PSD3: variants seen among roughly 807,000 people sequenced by gnomAD.
PSD3 encodes pleckstrin and Sec7 domain containing 3, also known as PH and SEC7 domain-containing protein 3.
Under a neutral mutation model 105.5 loss-of-function variants are expected in PSD3, and 49 were observed. That is an observed-to-expected ratio of 0.46 (90% CI 0.37 to 0.59). The LOEUF (loss-of-function observed/expected upper bound fraction) is 0.59, where lower values mean the gene tolerates loss of function less well. Ranked by LOEUF, PSD3 falls within the 20% of genes least tolerant of loss-of-function variation. The pLI is 0.00. For missense variants in PSD3, 1,561 were observed against 1,263.8 expected, an observed-to-expected ratio of 1.24 and a Z score of -3.57; for synonymous variants, 557 against 457.8, an observed-to-expected ratio of 1.22 and a Z score of -2.77.
At chr8:18,584,676 A>G (rs778733858) in intron 12 of PSD3, among the ~76,000 whole-genome samples, 14 of 152,228 alleles carry the variant, frequency 9.2e-5, no homozygotes, top group African/African-American at 1.2e-4. Context: ...GTGATGTATA[A>G]TGCTCTGATC....
intron 4 of PSD3, among the ~76,000 whole-genome samples, chr8:18,815,995 T>C (rs117010170): frequency 0.013 from 2,030 of 152,220 alleles, 23 homozygotes; most frequent in East Asian, 0.05. Flanking sequence ...AGTAAGACCC[T>C]CCCCTTAGGA....
At chr8:18,832,353 C>T (rs1186548315) in intron 4 of PSD3, among the ~76,000 whole-genome samples, 1 of 151,898 alleles carries the variant, frequency 6.6e-6, no homozygotes, top group Non-Finnish European at 1.5e-5. Context: ...CTGTGCACAA[C>T]TCCAGTAAAC....
At chr8:19,044,441 C>G (rs192482677) in intron 1 of PSD3, among the ~76,000 whole-genome samples, 7 of 152,310 alleles carry the variant, frequency 4.6e-5, no homozygotes, top group Admixed American at 4.6e-4. Context: ...ATAAATCACT[C>G]TATCTTTAAG....
intron 11 of PSD3, among the ~76,000 whole-genome samples, chr8:18,601,199 C>A (rs568637732): frequency 1.3e-5 from 2 of 152,260 alleles, no homozygotes; most frequent in Admixed American, 6.5e-5. Context: ...GATATGAATT[C>A]TCTACTGACT....
intron 4 of PSD3, among the ~76,000 whole-genome samples, chr8:18,818,235 G>T (rs531503804): frequency 6.6e-6 from 1 of 152,130 alleles, no homozygotes; most frequent in African/African-American, 2.4e-5. Context: ...GATTACAGAC[G>T]TGAGCCACCG....
intron 9 of PSD3, among the ~76,000 whole-genome samples, chr8:18,670,432 T>C (rs1286729359): frequency 6.6e-6 from 1 of 152,034 alleles, no homozygotes; most frequent in African/African-American, 2.4e-5. Context: ...CGCTTCTGTG[T>C]GGAGAAAGGA....
chr8:18,565,838 A>G (rs1474458068), intron 14 of PSD3, among the ~76,000 whole-genome samples: 1 of 152,120 alleles, frequency 6.6e-6, no homozygotes, highest in Non-Finnish European at 1.5e-5. Context: ...ATATTTGGCA[A>G]TGTCTGGAGA....
At chr8:18,698,217 A>G (rs530142435) in intron 9 of PSD3, among the ~76,000 whole-genome samples, 5 of 152,252 alleles carry the variant, frequency 3.3e-5, no homozygotes, top group South Asian at 4.1e-4. Context: ...TCCTGCTTCA[A>G]TCTTTCAAGT....
intron 14 of PSD3, among the ~76,000 whole-genome samples, chr8:18,568,693 G>A (rs1184317537): frequency 8.3e-6 from 1 of 120,458 alleles, no homozygotes; most frequent in Non-Finnish European, 1.7e-5. Flanking sequence ...GCTTCTAGTA[G>A]TACCTTCTTC....
intron 1 of PSD3, among the ~76,000 whole-genome samples, chr8:18,953,992 T>C (rs11775815): frequency 0.2 from 30,229 of 151,822 alleles, 3,279 homozygotes; most frequent in African/African-American, 0.29. Flanking sequence ...ACTCAAGATA[T>C]CAAACAGTGA....
At chr8:18,670,205 G>T (rs1322942764) in intron 9 of PSD3, among the ~76,000 whole-genome samples, 1 of 152,176 alleles carries the variant, frequency 6.6e-6, no homozygotes, top group Non-Finnish European at 1.5e-5. Flanking sequence ...GGGGAGCGAG[G>T]TAAGCAGCTC....
chr8:18,614,337 C>G lies in PSD3; in HGVS notation c.2411-13903G>C, dbSNP rs1291073898. Among the ~76,000 whole-genome samples the G allele has an allele frequency of 1.3e-5, 2 of 149,832 alleles. 1 individual carries two copies. Among genetic ancestry groups the G allele is most frequent in the East Asian group, 3.9e-4 (2 of 5,130 alleles). The stretch of plus-strand genomic sequence containing the variant: ...ACAGAGCAGATTAACCCCTTCTCCC[C>G]CATCCCCCCCCCAAAAAAATCAGAT... On this transcript the variant is annotated intron_variant, in intron 11 of 15. Transcript: ENST00000327040.
intron 10 of PSD3, among the ~76,000 whole-genome samples, chr8:18,645,430 G>A (rs987378479): frequency 1.3e-5 from 2 of 152,266 alleles, no homozygotes; most frequent in South Asian, 2.1e-4. Context: ...TCAAGTTAAT[G>A]GTCAATTTTT....
chr8:18,728,786 T>C (rs1803514495), intron 9 of PSD3, among the ~76,000 whole-genome samples: 3 of 151,934 alleles, frequency 2.0e-5, no homozygotes, highest in South Asian at 2.1e-4. Flanking sequence ...ACATGACAAA[T>C]ATAACCTTTA....
At chr8:18,758,363 T>C in intron 9 of PSD3, among the ~76,000 whole-genome samples, 1 of 151,756 alleles carries the variant, frequency 6.6e-6, no homozygotes, top group East Asian at 1.9e-4. Flanking sequence ...ATCTTCTCCC[T>C]GGCTGAAAGG....
chr8:19,003,385 A>G (rs1826502135), intron 1 of PSD3, among the ~76,000 whole-genome samples: 1 of 151,956 alleles, frequency 6.6e-6, no homozygotes, highest in Non-Finnish European at 1.5e-5. Flanking sequence ...CCGTCTTTAA[A>G]AAACAAAAAT....
chr8:18,536,754 C>CA (rs1563299080), intron 15 of PSD3, among the ~76,000 whole-genome samples: 1 of 151,182 alleles, frequency 6.6e-6, no homozygotes, highest in African/African-American at 2.4e-5. Flanking sequence ...GGCTCTGGCA[C>CA]TTTTTTTTTC....
intron 4 of PSD3, among the ~76,000 whole-genome samples, chr8:18,823,603 G>A (rs977872874): frequency 9.9e-5 from 15 of 152,024 alleles, no homozygotes; most frequent in South Asian, 2.1e-4. Context: ...AAGAGATGAC[G>A]TTTCTACACC....
At chr8:19,067,270 C>T (rs1013777113) in intron 1 of PSD3, among the ~76,000 whole-genome samples, 2 of 152,146 alleles carry the variant, frequency 1.3e-5, no homozygotes, top group Non-Finnish European at 2.9e-5. Flanking sequence ...TTTCCATGCC[C>T]TCTTGCGTGG....
Sources: gnomAD v4.1 joint callset for allele counts (sites outside exome capture counted in the v4.1 genomes callset) on GRCh38, gnomAD v4.1.1 for gene constraint, MANE v1.5 for transcripts, NCBI Gene and HGNC (gene_info 2026-07-23, HGNC 2026-07-21) for gene names.